Variants in MYO1E observed in about 807,000 individuals in gnomAD.
MYO1E encodes unconventional myosin-Ie.
In MYO1E, 68 loss-of-function variants were observed where a neutral mutation model predicts 151.1. That is an observed-to-expected ratio of 0.45 (90% CI 0.37 to 0.55). The LOEUF (loss-of-function observed/expected upper bound fraction) is 0.55, where lower values mean the gene tolerates loss of function less well. MYO1E is among the 20% of genes least tolerant of loss of function. The probability of loss-of-function intolerance (pLI) is 0.00; values close to 1 mark genes in which losing one functional copy is unlikely to be tolerated. For synonymous variants in MYO1E, 601 were observed against 501.7 expected, an observed-to-expected ratio of 1.20 and a Z score of -2.64; for missense variants, 1,363 against 1,389.3, an observed-to-expected ratio of 0.98 and a Z score of 0.30.
chr15:59,148,519 G>A (rs1165239124), intron 26 of MYO1E, among the ~76,000 whole-genome samples: 1 of 152,176 alleles, frequency 6.6e-6, no homozygotes, highest in African/African-American at 2.4e-5. Context: ...AAAATATGCT[G>A]TGTTCCAAAA....
intron 22 of MYO1E, among the ~76,000 whole-genome samples, chr15:59,164,600 C>A (rs1285030193): frequency 6.6e-6 from 1 of 152,174 alleles, no homozygotes; most frequent in South Asian, 2.1e-4. Context: ...ATCTTTGAGA[C>A]CCTGGATCCT....
chr15:59,260,556 C>T (rs1257392470), intron 3 of MYO1E, among the ~76,000 whole-genome samples: 1 of 152,060 alleles, frequency 6.6e-6, no homozygotes, highest in African/African-American at 2.4e-5. Context: ...GATGGGGAGG[C>T]CTGGGGAAGT....
chr15:59,280,162 A>T (rs184557402), intron 1 of MYO1E, among the ~76,000 whole-genome samples: 1 of 152,338 alleles, frequency 6.6e-6, no homozygotes, highest in Admixed American at 6.5e-5. Flanking sequence ...CAGAAAGAAG[A>T]GACACGACAG....
At chr15:59,277,497 A>T (rs1354030730) in intron 1 of MYO1E, among the ~76,000 whole-genome samples, 2 of 148,992 alleles carry the variant, frequency 1.3e-5, no homozygotes, top group African/African-American at 5.0e-5. Context: ...GTGAGCTGAG[A>T]TCGGGCCACT....
At chr15:59,168,762 G>A (rs1321617471) in intron 22 of MYO1E, among the ~76,000 whole-genome samples, 5 of 151,924 alleles carry the variant, frequency 3.3e-5, no homozygotes, top group African/African-American at 7.3e-5. Flanking sequence ...CTGGGACCAC[G>A]GGCACGTACC....
chr15:59,292,363 C>T (rs902372670), intron 1 of MYO1E, among the ~76,000 whole-genome samples: 1 of 152,120 alleles, frequency 6.6e-6, no homozygotes, highest in Non-Finnish European at 1.5e-5. Flanking sequence ...GTTTGTACAC[C>T]ACTACAGAAT....
intron 18 of MYO1E, among the ~76,000 whole-genome samples, chr15:59,179,687 C>T (rs771487684): frequency 6.6e-6 from 1 of 152,172 alleles, no homozygotes; most frequent in African/African-American, 2.4e-5. Context: ...CTCTCTGTCT[C>T]TTTCATGATG....
chr15:59,262,783 C>T (rs918060132), intron 2 of MYO1E, among the ~76,000 whole-genome samples: 17 of 152,072 alleles, frequency 1.1e-4, no homozygotes, highest in African/African-American at 3.9e-4. Flanking sequence ...AGAGGCTATG[C>T]TTATGCTGGG....
chr15:59,172,267 G>T (rs1301771857), intron 21 of MYO1E, among the ~76,000 whole-genome samples: 1 of 152,204 alleles, frequency 6.6e-6, no homozygotes. Context: ...TGAGGCAGGA[G>T]AATCGCTTTA....
At chr15:59,289,416 C>T (rs1310802145) in intron 1 of MYO1E, among the ~76,000 whole-genome samples, 1 of 152,150 alleles carries the variant, frequency 6.6e-6, no homozygotes, top group East Asian at 1.9e-4. Context: ...TATATGGGAG[C>T]AGCTCAATTT....
chr15:59,143,088 T>G (rs547824251), intron 26 of MYO1E, among the ~76,000 whole-genome samples: 42 of 152,260 alleles, frequency 2.8e-4, no homozygotes, highest in African/African-American at 8.2e-4. Context: ...GTCTTTGATA[T>G]CAAGGCATCA....
chr15:59,139,559 C>T (rs1167149725), intron 26 of MYO1E, among the ~76,000 whole-genome samples: 4 of 148,730 alleles, frequency 2.7e-5, no homozygotes. Flanking sequence ...ACTTCCGTCT[C>T]ACCTTCTCAT....
chr15:59,364,438 C>G (rs1222902044), intron 1 of MYO1E, among the ~76,000 whole-genome samples: 1 of 152,226 alleles, frequency 6.6e-6, no homozygotes, highest in African/African-American at 2.4e-5. Flanking sequence ...GTACACACTT[C>G]TGGAGGAAGT....
intron 7 of MYO1E, among the ~76,000 whole-genome samples, 171 bp from the exon 8 acceptor site, chr15:59,224,994 A>T (rs1178425993): frequency 6.6e-6 from 1 of 152,224 alleles, no homozygotes; most frequent in African/African-American, 2.4e-5. Context: ...CATCTCTGCA[A>T]ATTTTGATTC....
intron 2 of MYO1E, 27 bp downstream of exon 2, chr15:59,272,279 A>G (rs1356194102): frequency 1.9e-6 from 3 of 1,612,504 alleles, no homozygotes; most frequent in Non-Finnish European, 2.5e-6. Context: ...TCACTTAGAA[A>G]TGTCCAAAGC....
rs559837580 is a variant in MYO1E at position 59,170,153 on chromosome 15, T to G, written c.2480+1744A>C. Among the ~76,000 whole-genome samples, 443 of 150,416 alleles carry G rather than the reference T, an allele frequency of 2.9e-3. 2 individuals are homozygous for G. Among genetic ancestry groups the G allele is most frequent in the Non-Finnish European group, 5.4e-3 (364 of 67,848 alleles). ...TCCAGCCTGGGTGACAGAGCGAGAC[T>G]CTGTCTAAAACAAAACAAAACAAAA... On this transcript the variant is annotated intron_variant, in intron 22 of 27. Coordinates refer to ENST00000288235, the MANE Select transcript of MYO1E (RefSeq NM_004998.4).
At chr15:59,356,493 T>C (rs573305703) in intron 1 of MYO1E, among the ~76,000 whole-genome samples, 7 of 152,344 alleles carry the variant, frequency 4.6e-5, no homozygotes, top group African/African-American at 1.7e-4. Flanking sequence ...CAGTTCTGCA[T>C]CCTACTTTTG....
At chr15:59,280,175 T>G (rs2140388435) in intron 1 of MYO1E, among the ~76,000 whole-genome samples, 1 of 152,318 alleles carries the variant, frequency 6.6e-6, no homozygotes, top group African/African-American at 2.4e-5. Flanking sequence ...CACGACAGCT[T>G]TCTTTTACTT....
intron 23 of MYO1E, among the ~76,000 whole-genome samples, chr15:59,161,624 G>C (rs2079538823): frequency 6.6e-6 from 1 of 152,160 alleles, no homozygotes; most frequent in African/African-American, 2.4e-5. Flanking sequence ...TGCTTGTGGA[G>C]GACTGAGAGA....
Sources: gnomAD v4.1 joint callset for allele counts (sites outside exome capture counted in the v4.1 genomes callset) on GRCh38, gnomAD v4.1.1 for gene constraint, MANE v1.5 for transcripts, NCBI Gene and HGNC (gene_info 2026-07-23, HGNC 2026-07-21) for gene names.